The following TMEM223 variants were observed in gnomAD, a reference collection of about 807,000 sequenced individuals.
TMEM223 encodes the protein transmembrane protein 223.
In TMEM223, 14 loss-of-function variants were observed where a neutral mutation model predicts 14.1. The ratio of observed to expected loss-of-function variants is 0.99; its 90% confidence interval spans 0.66 to 1.55. The LOEUF is 1.55. Among genes scored for constraint, TMEM223 ranks in the 40% most tolerant of loss-of-function variants. The pLI, the probability that TMEM223 is intolerant of heterozygous loss-of-function variation, is 0.00. For missense variants in TMEM223, 346 were observed against 269.9 expected (o/e 1.28, Z -1.97); for synonymous variants, 145 against 120.5 (o/e 1.20, Z -1.33).
downstream of TMEM223, chr11:62,787,683 C>T: frequency 6.0e-6 from 6 of 994,840 alleles, no homozygotes; most frequent in South Asian, 1.7e-5. Context: ...TGCAGCGAGG[C>T]TAATCGCGCT....
At chr11:62,782,441 G>C (rs1590936723) in intron 1 of TMEM223, 1 of 1,272,686 alleles carries the variant, frequency 7.9e-7, no homozygotes, top group East Asian at 2.4e-5. Context: ...AGAAGATGGG[G>C]AACCTTTTCC....
chr11:62,778,172 C>G, intron 1 of TMEM223: 2 of 1,613,600 alleles, frequency 1.2e-6, no homozygotes, highest in Non-Finnish European at 8.5e-7. Flanking sequence ...GGAGTTGGGC[C>G]GTGAAGAGAA....
chr11:62,774,099 C>T (rs1478648000), intron 2 of TMEM223, among the ~76,000 whole-genome samples: 3 of 151,468 alleles, frequency 2.0e-5, no homozygotes, highest in Admixed American at 2.0e-4. Flanking sequence ...TTTTTTGAGA[C>T]GGAGTCTTGC....
intron 1 of TMEM223, among the ~76,000 whole-genome samples, chr11:62,779,319 C>T (rs1375394302): frequency 2.0e-5 from 3 of 152,034 alleles, no homozygotes; most frequent in Non-Finnish European, 1.5e-5. Flanking sequence ...CTTAGCCTCC[C>T]GAGTAGCTGG....
chr11:62,787,677 G>C, downstream of TMEM223: 1 of 1,065,356 alleles, frequency 9.4e-7, no homozygotes, highest in East Asian at 2.6e-5. Context: ...CTGAAATGCA[G>C]CGAGGCTAAT....
chr11:62,779,019 GTTTT>G (rs373542247), intron 1 of TMEM223: 774 of 929,626 alleles, frequency 8.3e-4, no homozygotes, highest in Non-Finnish European at 9.3e-4. Context: ...TTCTAGACCT[GTTTT>G]TTTTTTTTTT....
In TMEM223 at chr11:62,790,992, T is replaced by G. The variant is rs186048605; in HGVS notation, c.317-77A>C. ...ACCGACCTTTCCAGTGCCCTCTGAA[T>G]AAGAAATTTGTGGGATGAAAGTAGT... is the stretch of plus-strand genomic sequence containing the variant. On this transcript the variant is annotated intron_variant, in intron 1 of 1. Coordinates refer to ENST00000307366, the MANE Select transcript of TMEM223 (RefSeq NM_001080501.3). 6.0e-4 allele frequency: 846 copies of G among 1,411,466 alleles called. 9 individuals carry two copies. The South Asian group carries it at 0.011, about 18-fold the overall frequency. 87.4% of individuals were successfully genotyped at this position (1,411,466 alleles called of 1,614,324 possible).
At chr11:62,786,575 G>C, downstream of TMEM223, 1 of 1,570,928 alleles carries the variant, frequency 6.4e-7, no homozygotes. Flanking sequence ...AACAGGGGTG[G>C]CCCAGGTGGC....
chr11:62,789,822 TG>T, downstream of TMEM223: 3 of 1,574,810 alleles, frequency 1.9e-6, no homozygotes, highest in African/African-American at 4.0e-5. Context: ...GAGTGGTGTG[TG>T]GGTGGGAAGG....
intron 1 of TMEM223, among the ~76,000 whole-genome samples, chr11:62,780,686 T>C (rs541478939): frequency 2.4e-4 from 37 of 151,924 alleles, no homozygotes; most frequent in African/African-American, 8.7e-4. Flanking sequence ...TCCCAGCAGT[T>C]TGGGAGGCCG....
rs2084342551 is a variant in TMEM223, at chr11:62,790,150, C to T, written c.*473G>A. ...ATGTTGGGAGTCTTAGTTTTCCTTTCGTTGGGGGGTGGGGGGGAAACATAA... is the reference window on the plus strand; with the variant it reads ...ATGTTGGGAGTCTTAGTTTTCCTTTTGTTGGGGGGTGGGGGGGAAACATAA... On this transcript the variant is annotated 3_prime_UTR_variant, in exon 2 of 2. Transcript: ENST00000307366. 14 of 459,242 alleles carry T rather than the reference C, an allele frequency of 3.0e-5. No individual in the cohort carries two copies. The highest frequency in any genetic ancestry group is 6.0e-5 in the East Asian group (1 of 16,556). The allele number at this position is 459,242 out of a possible 1,614,324, so 28.4% of individuals were successfully genotyped here.
At chr11:62,781,700 C>T in intron 1 of TMEM223, 1 of 498,874 alleles carries the variant, frequency 2.0e-6, no homozygotes, top group Non-Finnish European at 3.6e-6. Context: ...AGGTTGTATT[C>T]AGGGCCATAT....
At chr11:62,777,934 C>T (rs1158038827) in intron 1 of TMEM223, 3 of 1,604,832 alleles carry the variant, frequency 1.9e-6, no homozygotes, top group South Asian at 2.2e-5. Flanking sequence ...GACGCCTGCT[C>T]CCTCCCTGGA....
chr11:62,785,315 C>A (rs776993129), downstream of TMEM223, among the ~76,000 whole-genome samples: 3 of 151,908 alleles, frequency 2.0e-5, no homozygotes, highest in Non-Finnish European at 4.4e-5. Flanking sequence ...CTTCAGCCTC[C>A]CGAGTAGCTG....
chr11:62,787,402 G>A (rs373442214), downstream of TMEM223: 9 of 1,556,724 alleles, frequency 5.8e-6, no homozygotes, highest in African/African-American at 9.6e-5. Flanking sequence ...GGGTGCTGCT[G>A]CAGCGGCGCT....
At chr11:62,783,252 G>A (rs571403701), downstream of TMEM223, among the ~76,000 whole-genome samples, 10 of 151,748 alleles carry the variant, frequency 6.6e-5, no homozygotes, top group African/African-American at 2.4e-4. Flanking sequence ...GGAGGCTGAG[G>A]TGGGCGGATC....
chr11:62,786,469 C>T (rs2084276820), downstream of TMEM223: 1 of 1,586,174 alleles, frequency 6.3e-7, no homozygotes, highest in African/African-American at 1.3e-5. Context: ...ATTTGATGGG[C>T]CCAGGTTCCT....
At chr11:62,775,824 G>C (rs773347281) in intron 1 of TMEM223, 2 of 1,612,618 alleles carry the variant, frequency 1.2e-6, no homozygotes, top group Admixed American at 1.7e-5. Flanking sequence ...GAGATCCCTC[G>C]GGAGTCTGTC....
rs373664190 is a variant in TMEM223 at position 62,778,065 on chromosome 11, A to T, written c.315-3400T>A. 3.7e-6 allele frequency: 6 copies of T among 1,614,026 alleles called. No individual in the cohort carries two copies. The highest frequency in any genetic ancestry group is 4.5e-5 in the East Asian group (2 of 44,848). Reference sequence around the variant, plus strand: ...CTACTTTCCTGAGGATCGAGAGGTGAACCTGGTGGAGCTGGCCCTGGCTAC... The same window carrying T: ...CTACTTTCCTGAGGATCGAGAGGTGTACCTGGTGGAGCTGGCCCTGGCTAC... On this transcript the variant is annotated intron_variant, in intron 1 of 2. Coordinates refer to the TMEM223 transcript ENST00000528367.
Sources: gnomAD v4.1 joint callset for allele counts (sites outside exome capture counted in the v4.1 genomes callset) on GRCh38, gnomAD v4.1.1 for gene constraint, MANE v1.5 for transcripts, NCBI Gene and HGNC (gene_info 2026-07-23, HGNC 2026-07-21) for gene names.